PLXNA2: variants seen among roughly 807,000 people sequenced by gnomAD.
PLXNA2 encodes the protein plexin-A2.
PLXNA2 carries 91 observed loss-of-function variants against 193.5 expected under a neutral mutation model. The ratio of observed to expected loss-of-function variants is 0.47; its 90% CI spans 0.40 to 0.56. The LOEUF (loss-of-function observed/expected upper bound fraction) is 0.56, where lower values mean the gene tolerates loss of function less well. Among genes scored for constraint, PLXNA2 ranks in the 20% least tolerant of loss-of-function variants. The pLI, the probability that PLXNA2 is intolerant of heterozygous loss-of-function variation, is 0.00. For missense variants in PLXNA2, 1,995 were observed against 2,503.2 expected (o/e 0.80, Z 4.33); for synonymous variants, 997 against 1,027.3 (o/e 0.97, Z 0.56).
chr1:208,043,658 A>C (rs1263293587), intron 20 of PLXNA2, among the ~76,000 whole-genome samples: 1 of 152,136 alleles, frequency 6.6e-6, no homozygotes, highest in Non-Finnish European at 1.5e-5. Context: ...CTGAGAGCCG[A>C]GTTTGGGAAG....
chr1:208,151,261 C>G (rs1668754603), intron 3 of PLXNA2, among the ~76,000 whole-genome samples: 1 of 152,132 alleles, frequency 6.6e-6, no homozygotes, highest in African/African-American at 2.4e-5. Context: ...AAATCTGAAC[C>G]TTTGTTTACC....
intron 21 of PLXNA2, 51 bp from the exon 22 acceptor site, chr1:208,042,417 C>T (rs750031421): frequency 1.3e-6 from 2 of 1,582,906 alleles, no homozygotes; most frequent in Non-Finnish European, 1.7e-6. Flanking sequence ...GGCATCGGGC[C>T]TCCTACCTGA....
chr1:208,217,574 G>A lies in PLXNA2; in HGVS notation c.349C>T (p.Leu117Phe). 2 of 1,614,222 alleles carry A rather than the reference G, an allele frequency of 1.2e-6. No individual in the cohort carries two copies. The highest frequency in any genetic ancestry group is 1.7e-6 in the Non-Finnish European group (2 of 1,180,044). ...CGGTTCTCAGAGTAGTCAATGATGA[G>A]CAGCTTGTTGACATTGTTGGTGAGG... ...LTLTNNVNKLLIIDYSENRLL... is the reference protein window; with the variant it reads ...LTLTNNVNKLFIIDYSENRLL... The change falls in exon 2 of 32, where the codon CTC (leucine) becomes TTC (phenylalanine). Residue 117 changes from leucine to phenylalanine, a missense_variant. By Grantham distance (22) the Leu-to-Phe change is conservative. Around this residue, in one of 3 missense-constraint regions of PLXNA2, gnomAD observed 702 missense variants for 812.9 expected, o/e 0.86. Transcript: ENST00000367033. This position sits in a 1 kb window ranked among gnomAD's most constrained non-coding sequence, Gnocchi z 4.7.
At chr1:208,193,971 A>C (rs558932594) in intron 3 of PLXNA2, among the ~76,000 whole-genome samples, 1 of 149,986 alleles carries the variant, frequency 6.7e-6, no homozygotes, top group East Asian at 1.9e-4. Context: ...TAAATAAAAA[A>C]CACTTGTCCA....
rs560063721 is a variant in PLXNA2 at position 208,126,456 on chromosome 1, T to C, written c.1506+15873A>G. Among the ~76,000 whole-genome samples, 10 of 152,322 alleles carry C rather than the reference T, an allele frequency of 6.6e-5. No individual in the cohort carries two copies. In the South Asian group the frequency reaches 8.3e-4, roughly 13 times the overall value. On this transcript the variant is annotated intron_variant, in intron 4 of 31. Transcript: ENST00000367033. ...CTGCCCAGTGCTACCAAGGCTTGTA[T>C]TGGAAAACTGAAGATCTTTTTAAAA... is the stretch of plus-strand genomic sequence containing the variant.
intron 4 of PLXNA2, among the ~76,000 whole-genome samples, chr1:208,137,812 T>A (rs1459142635): frequency 6.6e-6 from 1 of 152,168 alleles, no homozygotes; most frequent in Non-Finnish European, 1.5e-5. Context: ...AATACATGAG[T>A]GCTATATTGG....
chr1:208,201,429 T>G (rs774171922), intron 3 of PLXNA2, among the ~76,000 whole-genome samples: 1 of 152,208 alleles, frequency 6.6e-6, no homozygotes, highest in Non-Finnish European at 1.5e-5. Context: ...GATGCCAAAG[T>G]CCAGCAGGAT....
In PLXNA2 at chr1:208,038,695, C is replaced by A. The variant is rs1028283405; in HGVS notation, c.4660+130G>T. 1 of 1,006,502 alleles carries A rather than the reference C, an allele frequency of 9.9e-7. No individual in the cohort carries two copies. The highest frequency in any genetic ancestry group is 1.5e-6 in the Non-Finnish European group (1 of 659,520). The allele number at this position is 1,006,502 out of a possible 1,614,324, so 62.3% of individuals were successfully genotyped here. A position where few individuals can be genotyped will look rare whatever the true frequency, so the allele number is the denominator to read the frequency against. ...ACATCTGAACAGGCAGCGCTCAAAG[C>A]GGGAAGCATTTCACACGGGCCTCAG... On this transcript the variant is annotated intron_variant, in intron 25 of 31. Coordinates refer to ENST00000367033, the MANE Select transcript of PLXNA2 (RefSeq NM_025179.4). The surrounding 1 kb of genome is among the most constrained non-coding windows in gnomAD (Gnocchi z 4.1).
chr1:208,091,745 C>T (rs1274327872), intron 9 of PLXNA2, among the ~76,000 whole-genome samples: 2 of 151,990 alleles, frequency 1.3e-5, no homozygotes, highest in African/African-American at 2.4e-5. Flanking sequence ...TGGCATGCCC[C>T]TGTAGTCCCA....
Position 208,236,830 on chromosome 1 carries a change from C to T in PLXNA2, c.-81+6813G>A, listed in dbSNP as rs1279286282. On this transcript the variant is annotated intron_variant, in intron 1 of 31. Transcript: ENST00000367033. This position sits in a 1 kb window ranked among gnomAD's most constrained non-coding sequence, Gnocchi z 4.4. ...CCTTCTCTTCGGAAATACAAGACTA[C>T]ACATACCCACATCATTCTTGAAGAT... Among the ~76,000 whole-genome samples the T allele has an allele frequency of 1.3e-5, 2 of 152,192 alleles. No individual in the cohort carries two copies. The highest frequency in any genetic ancestry group is 4.8e-5 in the African/African-American group (2 of 41,460).
intron 3 of PLXNA2, among the ~76,000 whole-genome samples, chr1:208,150,182 C>T (rs1324618927): frequency 1.3e-5 from 2 of 152,196 alleles, no homozygotes; most frequent in Non-Finnish European, 2.9e-5. Context: ...AGAATTTCTG[C>T]TGCTCCCACC....
At chr1:208,226,034 G>T (rs1012088466) in intron 1 of PLXNA2, among the ~76,000 whole-genome samples, 8 of 152,312 alleles carry the variant, frequency 5.3e-5, no homozygotes, top group Admixed American at 1.3e-4. Context: ...GTCTGGGTGT[G>T]CAGGCACACG....
At chr1:208,102,409 T>C (rs1354240277) in intron 5 of PLXNA2, among the ~76,000 whole-genome samples, 1 of 152,236 alleles carries the variant, frequency 6.6e-6, no homozygotes, top group Non-Finnish European at 1.5e-5. Flanking sequence ...TCTCTTCCCC[T>C]GGGGCTCTTC....
rs1558260154 is a variant in PLXNA2 at position 208,236,434 on chromosome 1, T to A, written c.-81+7209A>T. Among the ~76,000 whole-genome samples, 1 of 152,174 alleles carries A rather than the reference T, an allele frequency of 6.6e-6. No homozygotes were observed. Among genetic ancestry groups the A allele is most frequent in the African/African-American group, 2.4e-5 (1 of 41,436 alleles). ...ACTTCTGTCTGCCCGCTGGTCCTGC[T>A]GCCTCTATAAGGCAAGGCAGGGCTT... is the stretch of plus-strand genomic sequence containing the variant. On this transcript the variant is annotated intron_variant, in intron 1 of 31. Coordinates refer to ENST00000367033, the MANE Select transcript of PLXNA2 (RefSeq NM_025179.4). This position sits in a 1 kb window ranked among gnomAD's most constrained non-coding sequence, Gnocchi z 4.4.
intron 12 of PLXNA2, 26 bp from the exon 13 acceptor site, chr1:208,060,863 A>C: frequency 6.2e-7 from 1 of 1,611,312 alleles, no homozygotes; most frequent in African/African-American, 1.3e-5. Flanking sequence ...GGGATTAGCA[A>C]TTTGGTTTGG....
rs571289008 is a variant in PLXNA2 at position 208,084,692 on chromosome 1, C to A, written c.2098-112G>T. ...TGAGCTGCCCAAGAGCAGGATATTA[C>A]CTCATGTAAGGCCCGTGGAATGGGC... On this transcript the variant is annotated intron_variant, in intron 9 of 31. Transcript: ENST00000367033. 30 of 975,868 alleles carry A rather than the reference C, an allele frequency of 3.1e-5. No individual in the cohort carries two copies. The East Asian group carries it at 6.1e-4, about 20-fold the overall frequency. 60.5% of individuals were successfully genotyped at this position (975,868 alleles called of 1,614,324 possible). A position where few individuals can be genotyped will look rare whatever the true frequency, so the allele number is the denominator to read the frequency against.
chr1:208,186,090 C>A (rs1008924179), intron 3 of PLXNA2, among the ~76,000 whole-genome samples: 2 of 152,194 alleles, frequency 1.3e-5, no homozygotes, highest in African/African-American at 4.8e-5. Flanking sequence ...ATTCTGAGAG[C>A]GCTATCTTCA....
At chr1:208,093,305 T>C (rs1277771804) in intron 8 of PLXNA2, among the ~76,000 whole-genome samples, 1 of 152,150 alleles carries the variant, frequency 6.6e-6, no homozygotes, top group African/African-American at 2.4e-5. Context: ...AGCTAAACAG[T>C]TCCCAATATT....
At chr1:208,228,309 T>C (rs1293773078) in intron 1 of PLXNA2, among the ~76,000 whole-genome samples, 1 of 152,182 alleles carries the variant, frequency 6.6e-6, no homozygotes, top group Non-Finnish European at 1.5e-5. Context: ...CCAGATGATG[T>C]GCACTTTTTA....
Sources: allele counts gnomAD v4.1 joint callset (sites outside exome capture counted in the v4.1 genomes callset), GRCh38; gene constraint gnomAD v4.1.1; regional missense constraint gnomAD v4.1.1; non-coding constraint Gnocchi (gnomAD v3.1); transcripts MANE v1.5; gene names NCBI Gene and HGNC (gene_info 2026-07-23, HGNC 2026-07-21).